ATRNL1: variants seen among roughly 807,000 people sequenced by gnomAD.
ATRNL1 encodes attractin-like protein 1.
A neutral mutation model predicts 182.7 loss-of-function variants in ATRNL1; 95 were observed. That is an observed-to-expected ratio of 0.52 (90% CI 0.44 to 0.62). The LOEUF (loss-of-function observed/expected upper bound fraction) is 0.62, where lower values mean the gene tolerates loss of function less well. ATRNL1 is among the 20% of genes least tolerant of loss of function. ATRNL1 has a pLI of 0.00. For missense variants in ATRNL1, 1,471 were observed against 1,679.5 expected, an observed-to-expected ratio of 0.88 and a Z score of 2.17; for synonymous variants, 576 against 568.3, an observed-to-expected ratio of 1.01 and a Z score of -0.19.
At chr10:115,482,658 A>C (rs546189052) in intron 24 of ATRNL1, among the ~76,000 whole-genome samples, 96 of 151,262 alleles carry the variant, frequency 6.3e-4, no homozygotes, top group African/African-American at 2.2e-3. Flanking sequence ...CACATATAAA[A>C]ATAGAATTAA....
At chr10:115,525,019 T>C (rs1554986185) in intron 25 of ATRNL1, among the ~76,000 whole-genome samples, 2 of 152,168 alleles carry the variant, frequency 1.3e-5, no homozygotes, top group African/African-American at 4.8e-5. Flanking sequence ...AGGGATCATT[T>C]TACCCACTTT....
At chr10:115,360,518 A>G (rs1856692660) in intron 19 of ATRNL1, among the ~76,000 whole-genome samples, 1 of 151,790 alleles carries the variant, frequency 6.6e-6, no homozygotes, top group African/African-American at 2.4e-5. Context: ...TATTGAAATC[A>G]GAAACTTAAC....
intron 28 of ATRNL1, among the ~76,000 whole-genome samples, chr10:115,927,481 A>C (rs1342561815): frequency 6.6e-6 from 1 of 152,126 alleles, no homozygotes; most frequent in Admixed American, 6.6e-5. Context: ...AAACCATTAG[A>C]AGAGAACATG....
intron 26 of ATRNL1, among the ~76,000 whole-genome samples, chr10:115,683,756 A>G (rs1946129985): frequency 6.6e-6 from 1 of 151,920 alleles, no homozygotes; most frequent in African/African-American, 2.4e-5. Context: ...GAGAATTAAT[A>G]GAACAATGTA....
intron 13 of ATRNL1, among the ~76,000 whole-genome samples, chr10:115,269,323 A>G (rs1331234650): frequency 6.6e-6 from 1 of 151,960 alleles, no homozygotes; most frequent in Admixed American, 6.6e-5. Context: ...TAGTAGAATT[A>G]AAGATTTTTT....
At chr10:115,261,696 G>A (rs1197058230) in intron 10 of ATRNL1, among the ~76,000 whole-genome samples, 1 of 152,112 alleles carries the variant, frequency 6.6e-6, no homozygotes, top group African/African-American at 2.4e-5. Context: ...TGGCTTATCT[G>A]TGAATAATAT....
chr10:115,722,164 T>C (rs111878340), intron 26 of ATRNL1, among the ~76,000 whole-genome samples: 1 of 151,398 alleles, frequency 6.6e-6, no homozygotes, highest in Non-Finnish European at 1.5e-5. Context: ...TGAATACTTG[T>C]CAGTGTTAGA....
intron 26 of ATRNL1, among the ~76,000 whole-genome samples, chr10:115,632,729 A>G (rs1481594851): frequency 1.3e-5 from 2 of 152,160 alleles, no homozygotes; most frequent in African/African-American, 4.8e-5. Context: ...GGGAAATTGT[A>G]GCAGGTAGAG....
intron 8 of ATRNL1, among the ~76,000 whole-genome samples, chr10:115,178,360 T>C (rs1481371009): frequency 6.6e-6 from 1 of 152,152 alleles, no homozygotes; most frequent in South Asian, 2.1e-4. Context: ...GAAATCAGCT[T>C]GCAGTAAAGG....
chr10:115,124,683 A>G (rs375400939), intron 3 of ATRNL1, among the ~76,000 whole-genome samples: 2 of 152,110 alleles, frequency 1.3e-5, no homozygotes, highest in Non-Finnish European at 2.9e-5. Flanking sequence ...CCTATTCTGA[A>G]TTATATCTTT....
At chr10:115,643,357 A>C (rs566177493) in intron 26 of ATRNL1, among the ~76,000 whole-genome samples, 3 of 152,242 alleles carry the variant, frequency 2.0e-5, no homozygotes, top group African/African-American at 7.2e-5. Context: ...CCTAAACGTA[A>C]AGCTGAAAAT....
At chr10:115,669,082 C>A (rs918436569) in intron 26 of ATRNL1, among the ~76,000 whole-genome samples, 1 of 152,070 alleles carries the variant, frequency 6.6e-6, no homozygotes, top group African/African-American at 2.4e-5. Flanking sequence ...ATATCTGACA[C>A]CACATTGTTT....
chr10:115,424,221 A>G (rs1320126182), intron 20 of ATRNL1, among the ~76,000 whole-genome samples: 1 of 152,218 alleles, frequency 6.6e-6, no homozygotes, highest in Non-Finnish European at 1.5e-5. Flanking sequence ...AATCAAAATC[A>G]TGATGAGATA....
intron 27 of ATRNL1, among the ~76,000 whole-genome samples, chr10:115,785,108 T>A (rs1442856784): frequency 6.6e-6 from 1 of 152,222 alleles, no homozygotes; most frequent in African/African-American, 2.4e-5. Flanking sequence ...GTGAGTATGA[T>A]CTATCCTGGG....
At chr10:115,254,562 A>G (rs1216825965) in intron 10 of ATRNL1, among the ~76,000 whole-genome samples, 3 of 152,124 alleles carry the variant, frequency 2.0e-5, no homozygotes, top group Admixed American at 1.3e-4. Flanking sequence ...GTAGATTGCA[A>G]AAATTTTCTC....
intron 26 of ATRNL1, among the ~76,000 whole-genome samples, chr10:115,573,004 C>CT (rs781915673): frequency 6.6e-6 from 1 of 152,094 alleles, no homozygotes; most frequent in Non-Finnish European, 1.5e-5. Flanking sequence ...TTGCAAAGCT[C>CT]TTTCAGCTTT....
chr10:115,315,490 CA>C (rs1854252594), intron 17 of ATRNL1, 27 bp from the exon 18 acceptor site: 1 of 1,490,042 alleles, frequency 6.7e-7, no homozygotes, highest in Admixed American at 1.7e-5. Context: ...GTCATGTTAA[CA>C]TATTTGTCAA....
At chr10:115,526,272 T>G (rs543763497) in intron 25 of ATRNL1, among the ~76,000 whole-genome samples, 2 of 152,260 alleles carry the variant, frequency 1.3e-5, no homozygotes, top group Admixed American at 1.3e-4. Flanking sequence ...CTACAACAAT[T>G]AGATCATCAT....
At chr10:115,663,314 C>G (rs1168466354) in intron 26 of ATRNL1, among the ~76,000 whole-genome samples, 1 of 152,010 alleles carries the variant, frequency 6.6e-6, no homozygotes, top group Non-Finnish European at 1.5e-5. Context: ...ACACTAGACC[C>G]TTACTATGTA....
Sources: allele counts gnomAD v4.1 joint callset (sites outside exome capture counted in the v4.1 genomes callset), GRCh38; gene constraint gnomAD v4.1.1; transcripts MANE v1.5; gene names NCBI Gene and HGNC (gene_info 2026-07-23, HGNC 2026-07-21).